Variants in PLEKHA6 observed in about 807,000 individuals in gnomAD.
PLEKHA6 encodes the protein pleckstrin homology domain-containing family A member 6.
PLEKHA6 carries 60 observed loss-of-function variants against 116.7 expected under a neutral mutation model. The observed-to-expected ratio is 0.51, with a 90% CI of 0.42 to 0.64. The LOEUF (loss-of-function observed/expected upper bound fraction) is 0.64. Ranked by LOEUF, PLEKHA6 falls within the 30% of genes least tolerant of loss-of-function variation. The pLI, the probability that PLEKHA6 is intolerant of heterozygous loss-of-function variation, is 0.00. For synonymous variants in PLEKHA6, 489 were observed against 556.1 expected (o/e 0.88, Z 1.70); for missense variants, 1,338 against 1,422.7 (o/e 0.94, Z 0.96).
intron 1 of PLEKHA6, among the ~76,000 whole-genome samples, chr1:204,335,764 G>C (rs1672625815): frequency 6.6e-6 from 1 of 152,092 alleles, no homozygotes; most frequent in African/African-American, 2.4e-5. Flanking sequence ...GAAAGGGCCA[G>C]CTGCTCTGAG....
At position 204,223,800 on chromosome 1, in the gene PLEKHA6, A is replaced by C. The variant is rs186234065; in HGVS notation, c.3032-215T>G. 4.1e-4 allele frequency among the ~76,000 whole-genome samples: 62 copies of C among 151,258 alleles called. No individual in the cohort carries two copies. Among genetic ancestry groups the C allele is most frequent in the African/African-American group, 1.4e-3 (58 of 41,214 alleles). ...TGAGGCCCCAGAGGAGACCTGGCCG[A>C]ATCTAGGCTCTGCTGAGAACCAGTG... On this transcript the variant is annotated intron_variant, in intron 21 of 22. Coordinates refer to ENST00000272203, the MANE Select transcript of PLEKHA6 (RefSeq NM_014935.5). This position sits in a 1 kb window ranked among gnomAD's most constrained non-coding sequence, Gnocchi z 4.8.
At chr1:204,244,389 C>T (rs1663336484) in intron 15 of PLEKHA6, among the ~76,000 whole-genome samples, 1 of 151,920 alleles carries the variant, frequency 6.6e-6, no homozygotes, top group Non-Finnish European at 1.5e-5. Flanking sequence ...GATCCACCCG[C>T]CTTGGCCTCC....
Position 204,221,096 on chromosome 1 carries a change from T to C in PLEKHA6, c.*1692A>G, listed in dbSNP as rs1413345902. The C allele has an allele frequency of 2.6e-5, 4 of 152,404 alleles. No homozygotes were observed. Among genetic ancestry groups the C allele is most frequent in the African/African-American group, 9.7e-5 (4 of 41,382 alleles). 9.4% of individuals were successfully genotyped at this position (152,404 alleles called of 1,614,324 possible). A position where few individuals can be genotyped will look rare whatever the true frequency, so the allele number is the denominator to read the frequency against. On this transcript the variant is annotated 3_prime_UTR_variant, in exon 23 of 23. Coordinates refer to ENST00000272203, the MANE Select transcript of PLEKHA6 (RefSeq NM_014935.5). ...ATGGGAAATACAGCCAAGGGTCACG[T>C]TTAAAAAACCTGCTAGAAGTGAAGA...
chr1:204,306,907 G>A (rs901550303), intron 1 of PLEKHA6, among the ~76,000 whole-genome samples: 5 of 152,150 alleles, frequency 3.3e-5, no homozygotes, highest in African/African-American at 9.7e-5. Flanking sequence ...CAGTCCTCTG[G>A]ATACACATGG....
At chr1:204,264,743 CT>C (rs367963901) in intron 6 of PLEKHA6, among the ~76,000 whole-genome samples, 198 bp downstream of exon 6, 241 of 152,326 alleles carry the variant, frequency 1.6e-3, no homozygotes, top group African/African-American at 5.6e-3. Context: ...CCAGCATAGC[CT>C]TGCTCTAGCC....
At chr1:204,269,096 C>A (rs1169994082) in intron 3 of PLEKHA6, among the ~76,000 whole-genome samples, 1 of 151,918 alleles carries the variant, frequency 6.6e-6, no homozygotes, top group Non-Finnish European at 1.5e-5. Context: ...TTCTCAGCAC[C>A]CCAAGCCCCT....
chr1:204,311,774 AGG>A, intron 1 of PLEKHA6: 1 of 585,012 alleles, frequency 1.7e-6, no homozygotes, highest in Non-Finnish European at 2.2e-6. Context: ...TACACTCTAA[AGG>A]GAATCATTTT....
rs1317852019 is a variant in PLEKHA6, at chr1:204,228,635, G to T, written c.2885+93C>A. 26 of 1,163,804 alleles carry T rather than the reference G, an allele frequency of 2.2e-5. No homozygotes were observed. The highest frequency in any genetic ancestry group is 3.3e-5 in the Non-Finnish European group (26 of 779,956). 72.1% of individuals were successfully genotyped at this position (1,163,804 alleles called of 1,614,324 possible). On this transcript the variant is annotated intron_variant, in intron 20 of 22. Transcript: ENST00000272203. This position sits in a 1 kb window ranked among gnomAD's most constrained non-coding sequence, Gnocchi z 4.0. ...CACCACCTCGATGTGCTCTCCCCTG[G>T]GGAGGCTCTGTGCCCCCAACGACTT...
chr1:204,289,107 C>T (rs1572082452), intron 1 of PLEKHA6, among the ~76,000 whole-genome samples: 2 of 152,106 alleles, frequency 1.3e-5, no homozygotes, highest in East Asian at 3.8e-4. Flanking sequence ...TAAGTCCTTG[C>T]CAGGATTTTC....
chr1:204,244,718 G>C (rs1356934283), intron 15 of PLEKHA6, 146 bp downstream of exon 15: 1 of 544,504 alleles, frequency 1.8e-6, no homozygotes, highest in Non-Finnish European at 3.1e-6. Context: ...AATGGGGTGT[G>C]AGAATGACCT....
chr1:204,274,337 CT>C (rs1174852747), intron 2 of PLEKHA6, among the ~76,000 whole-genome samples: 1 of 152,122 alleles, frequency 6.6e-6, no homozygotes, highest in Non-Finnish European at 1.5e-5. Context: ...ATTAATTATC[CT>C]CTTTTCTTTT....
intron 1 of PLEKHA6, among the ~76,000 whole-genome samples, chr1:204,351,178 C>A (rs1238712098): frequency 1.3e-5 from 2 of 152,144 alleles, no homozygotes; most frequent in Non-Finnish European, 2.9e-5. Context: ...GCAGGACTGG[C>A]CCAGGCAGGG....
Position 204,359,842 on chromosome 1 carries a change from T to A in PLEKHA6, c.-243A>T. 1 of 215,892 alleles carries A rather than the reference T, an allele frequency of 4.6e-6. No homozygotes were observed. Among genetic ancestry groups the A allele is most frequent in the Non-Finnish European group, 7.9e-6 (1 of 126,188 alleles). The allele number at this position is 215,892 out of a possible 1,614,324, so 13.4% of individuals were successfully genotyped here. On this transcript the variant is annotated 5_prime_UTR_variant, in exon 1 of 23. It removes the in-frame stop codon of an upstream open reading frame in the 5' UTR. Coordinates refer to ENST00000272203, the MANE Select transcript of PLEKHA6 (RefSeq NM_014935.5). Reference sequence around the variant, plus strand: ...GCGGGGCTCCGGATCTAATCTGATCTAATCAGTCATCTCTCCGGCTGGCAG... The same window carrying A: ...GCGGGGCTCCGGATCTAATCTGATCAAATCAGTCATCTCTCCGGCTGGCAG...
At chr1:204,242,913 A>G (rs756043706) in intron 15 of PLEKHA6, among the ~76,000 whole-genome samples, 10 of 152,184 alleles carry the variant, frequency 6.6e-5, no homozygotes, top group Non-Finnish European at 1.5e-4. Flanking sequence ...AGAAAGCAAA[A>G]AGGCACAGAA....
intron 17 of PLEKHA6, among the ~76,000 whole-genome samples, chr1:204,231,745 A>C (rs1020211821): frequency 6.6e-6 from 1 of 151,858 alleles, no homozygotes; most frequent in Non-Finnish European, 1.5e-5. Context: ...TTTTTTAATT[A>C]TTATTATTTG....
chr1:204,299,657 T>G lies in PLEKHA6; in HGVS notation c.-94-24848A>C, dbSNP rs972074289. 3.0e-6 allele frequency: 3 copies of G among 984,874 alleles called. No individual in the cohort carries two copies. In the African/African-American group the frequency reaches 5.2e-5, roughly 17 times the overall value. The allele number at this position is 984,874 out of a possible 1,614,324, so 61.0% of individuals were successfully genotyped here. A position where few individuals can be genotyped will look rare whatever the true frequency, so the allele number is the denominator to read the frequency against. ...TTCCAAAGCAACGTGGGTCTTCTACTGTCTTAGGGCCTCACAGTTCTCTCA... is the reference window on the plus strand; with the variant it reads ...TTCCAAAGCAACGTGGGTCTTCTACGGTCTTAGGGCCTCACAGTTCTCTCA... On this transcript the variant is annotated intron_variant, in intron 1 of 22. Transcript: ENST00000272203.
chr1:204,334,133 G>T (rs1404573992), intron 1 of PLEKHA6, among the ~76,000 whole-genome samples: 1 of 152,212 alleles, frequency 6.6e-6, no homozygotes, highest in Non-Finnish European at 1.5e-5. Flanking sequence ...GTGCAGTAAG[G>T]ACAGATATGC....
rs116589450 is a variant in PLEKHA6 at position 204,280,379 on chromosome 1, G to A, written c.-94-5570C>T. On this transcript the variant is annotated intron_variant, in intron 1 of 22. Coordinates refer to ENST00000272203, the MANE Select transcript of PLEKHA6 (RefSeq NM_014935.5). ...ATGCACACACACTCCCAGGCTGGATGCCCAGAACCCCACTGTGATCAATAT... is the reference window on the plus strand; with the variant it reads ...ATGCACACACACTCCCAGGCTGGATACCCAGAACCCCACTGTGATCAATAT... The A allele has an allele frequency of 3.4e-3, 3,307 of 985,236 alleles. 93 individuals carry two copies. In the African/African-American group the frequency reaches 0.053, roughly 16 times the overall value. The allele number at this position is 985,236 out of a possible 1,614,324, so 61.0% of individuals were successfully genotyped here.
At chr1:204,324,800 C>T (rs1572181844) in intron 1 of PLEKHA6, among the ~76,000 whole-genome samples, 2 of 152,300 alleles carry the variant, frequency 1.3e-5, no homozygotes, top group East Asian at 3.9e-4. Context: ...GGTATTGGGT[C>T]ACCTGTTTGT....
Sources: allele counts gnomAD v4.1 joint callset (sites outside exome capture counted in the v4.1 genomes callset), GRCh38; gene constraint gnomAD v4.1.1; non-coding constraint Gnocchi (gnomAD v3.1); transcripts MANE v1.5; gene names NCBI Gene and HGNC (gene_info 2026-07-23, HGNC 2026-07-21).